Variants in TMC7 observed in about 807,000 individuals in gnomAD.
TMC7 encodes transmembrane channel-like protein 7.
Under a neutral mutation model 82.9 loss-of-function variants are expected in TMC7, and 54 were observed. The observed-to-expected ratio is 0.65, with a 90% CI of 0.52 to 0.82. The LOEUF is 0.82. Ranked by LOEUF, TMC7 falls within the 40% of genes least tolerant of loss-of-function variation. TMC7 has a pLI of 0.00. For synonymous variants in TMC7, 350 were observed against 337.9 expected (o/e 1.04, Z -0.39); for missense variants, 820 against 901.2 (o/e 0.91, Z 1.15).
chr16:19,051,816 G>A lies in TMC7; in HGVS notation c.1871G>A (p.Arg624His), dbSNP rs528003577. 3.1e-6 allele frequency: 5 copies of A among 1,613,760 alleles called. No individual in the cohort carries two copies. The highest frequency in any genetic ancestry group is 2.2e-5 in the East Asian group (1 of 44,870). The change falls in exon 13 of 16, where the codon CGC (arginine) becomes CAC (histidine). Residue 624 changes from arginine to histidine, a missense_variant and splice_region_variant. Physicochemically the swap from Arg to His is conservative, Grantham distance 29 (BLOSUM62 0). Coordinates refer to ENST00000304381, the MANE Select transcript of TMC7 (RefSeq NM_024847.4). ...AIIPLTISISRIPSSKACGPF... is the reference protein window; with the variant it reads ...AIIPLTISISHIPSSKACGPF... ...ATACCTCTGACAATCAGCATATCACGGTAAATGTGACTTTGTTTTCTAGAA... is the reference window on the plus strand; with the variant it reads ...ATACCTCTGACAATCAGCATATCACAGTAAATGTGACTTTGTTTTCTAGAA...
chr16:18,984,911 A>G (rs372792572), intron 1 of TMC7, among the ~76,000 whole-genome samples: 8 of 152,366 alleles, frequency 5.3e-5, no homozygotes, highest in African/African-American at 1.9e-4. Flanking sequence ...ACCCTGCTGT[A>G]AAGTTTTATC....
chr16:19,056,068 T>G (rs372140935), intron 13 of TMC7, among the ~76,000 whole-genome samples: 3 of 152,192 alleles, frequency 2.0e-5, no homozygotes, highest in African/African-American at 7.2e-5. Flanking sequence ...AATTTCAGGG[T>G]AAGCATTTTC....
chr16:19,028,142 A>G (rs1046005095), intron 5 of TMC7, among the ~76,000 whole-genome samples: 1 of 152,032 alleles, frequency 6.6e-6, no homozygotes, highest in Non-Finnish European at 1.5e-5. Flanking sequence ...TGTATTATCT[A>G]CCTACAATGT....
In TMC7 at chr16:19,028,950, G is replaced by A. The variant is rs923696731; in HGVS notation, c.712-1274G>A. Among the ~76,000 whole-genome samples, 4 of 150,044 alleles carry A rather than the reference G, an allele frequency of 2.7e-5. No individual in the cohort carries two copies. In the South Asian group the frequency reaches 6.3e-4, roughly 24 times the overall value. Reference sequence around the variant, plus strand: ...ATTACAGGCATGAGCCACTGTGCCCGGCCGAGATTTGCACTTTTTAAAAAA... The same window carrying A: ...ATTACAGGCATGAGCCACTGTGCCCAGCCGAGATTTGCACTTTTTAAAAAA... On this transcript the variant is annotated intron_variant, in intron 5 of 15. Coordinates refer to ENST00000304381, the MANE Select transcript of TMC7 (RefSeq NM_024847.4).
In TMC7 at chr16:19,056,652, G is replaced by A. The variant is rs1371478486; in HGVS notation, c.1982G>A (p.Gly661Asp). The change falls in exon 14 of 16, where the codon GGT becomes GAT. Residue 661 changes from glycine (G) to aspartate (D), a missense_variant. By Grantham distance (94) the Gly-to-Asp change is moderately conservative. Transcript: ENST00000304381. ...FPSSLQSFIH[G>D]VTSEAFAVPF... ...AGCTCGCTGCAGTCCTTCATCCATG[G>A]TGTCACATCCGAAGCCTTTGCAGTT... 3.1e-6 allele frequency: 5 copies of A among 1,613,936 alleles called. No homozygotes were observed. Among genetic ancestry groups the A allele is most frequent in the Non-Finnish European group, 4.2e-6 (5 of 1,180,026 alleles).
chr16:18,995,043 A>G (rs890065138), intron 1 of TMC7, among the ~76,000 whole-genome samples: 2 of 152,116 alleles, frequency 1.3e-5, no homozygotes, highest in East Asian at 1.9e-4. Flanking sequence ...AAAGGCGGCA[A>G]TGAGGTGTGG....
chr16:19,002,065 T>C (rs1375108577), intron 1 of TMC7, among the ~76,000 whole-genome samples: 1 of 152,028 alleles, frequency 6.6e-6, no homozygotes, highest in Admixed American at 6.6e-5. Flanking sequence ...TTAGTGCCAT[T>C]TAGATCATAC....
At chr16:19,015,593 C>T (rs1230505487) in intron 2 of TMC7, among the ~76,000 whole-genome samples, 4 of 149,216 alleles carry the variant, frequency 2.7e-5, no homozygotes, top group African/African-American at 7.4e-5. Flanking sequence ...TTTTTGAGAC[C>T]GAGTTTCACT....
chr16:19,007,253 A>C (rs2039256616), intron 1 of TMC7, among the ~76,000 whole-genome samples: 4 of 152,240 alleles, frequency 2.6e-5, no homozygotes, highest in African/African-American at 9.6e-5. Flanking sequence ...ACTTCCTACC[A>C]GGTAACCCTG....
At chr16:18,997,002 A>G (rs1377206326) in intron 1 of TMC7, among the ~76,000 whole-genome samples, 1 of 152,242 alleles carries the variant, frequency 6.6e-6, no homozygotes, top group Non-Finnish European at 1.5e-5. Flanking sequence ...TTGGAATGAC[A>G]GGGAGATTGA....
intron 3 of TMC7, among the ~76,000 whole-genome samples, chr16:19,019,966 A>G (rs1959885144): frequency 6.6e-6 from 1 of 152,172 alleles, no homozygotes; most frequent in African/African-American, 2.4e-5. Flanking sequence ...TGCCCCTACC[A>G]AGAACAAGAA....
intron 1 of TMC7, among the ~76,000 whole-genome samples, chr16:19,002,776 G>A (rs898702861): frequency 6.6e-6 from 1 of 152,190 alleles, no homozygotes. Flanking sequence ...TCTGAAATAT[G>A]CTACCTGCTC....
intron 9 of TMC7, among the ~76,000 whole-genome samples, chr16:19,042,630 C>G (rs1961068811): frequency 6.6e-6 from 1 of 151,838 alleles, no homozygotes; most frequent in Non-Finnish European, 1.5e-5. Flanking sequence ...GCCTCAGCCT[C>G]CCGAGTAGTT....
chr16:18,984,749 C>T lies in TMC7; in HGVS notation c.67+619C>T, dbSNP rs890702144. On this transcript the variant is annotated intron_variant, in intron 1 of 15. Transcript: ENST00000304381. ...AGCCAAGTATTATAATCTTTTGTATCGGGTAGAATTACAGTAAAGTATACA... is the reference window on the plus strand; with the variant it reads ...AGCCAAGTATTATAATCTTTTGTATTGGGTAGAATTACAGTAAAGTATACA... 2.0e-5 allele frequency among the ~76,000 whole-genome samples: 3 copies of T among 152,040 alleles called. No homozygotes were observed. In the South Asian group the frequency reaches 6.2e-4, roughly 32 times the overall value.
intron 7 of TMC7, among the ~76,000 whole-genome samples, chr16:19,037,280 C>T (rs529284125): frequency 4.7e-5 from 7 of 148,704 alleles, no homozygotes; most frequent in Admixed American, 1.4e-4. Flanking sequence ...CCTAGCTTCT[C>T]GGGAGGCTGA....
chr16:19,045,498 C>T (rs2142284791), intron 11 of TMC7, 60 bp downstream of exon 11: 18 of 1,015,662 alleles, frequency 1.8e-5, no homozygotes, highest in Non-Finnish European at 2.3e-5. Flanking sequence ...CACACACATA[C>T]ACACACACAC....
intron 1 of TMC7, among the ~76,000 whole-genome samples, chr16:18,998,680 G>A (rs1404055767): frequency 6.6e-6 from 1 of 151,596 alleles, no homozygotes; most frequent in Non-Finnish European, 1.5e-5. Flanking sequence ...CGTGAACCCA[G>A]GAGGCGGAGC....
In TMC7 at chr16:19,022,126, AC is replaced by A. The variant is rs201323762; in HGVS notation, c.628+331del. On this transcript the variant is annotated intron_variant, in intron 4 of 15. Transcript: ENST00000304381. ...ATCTGGAGCATTGATAGTCACACAT[AC>A]AAGCAAAACACAAGCTCTACATGTG... 2.2e-4 allele frequency among the ~76,000 whole-genome samples: 33 copies of A among 152,300 alleles called. No individual in the cohort carries two copies. The East Asian group carries it at 6.2e-3, about 28-fold the overall frequency.
rs1018075088 is a variant in TMC7, at chr16:19,063,704, C to A, written c.*1861C>A. The A allele has an allele frequency of 4.0e-5, 6 of 149,308 alleles. No homozygotes were observed. The highest frequency in any genetic ancestry group is 5.9e-5 in the Non-Finnish European group (4 of 67,396). The allele number at this position is 149,308 out of a possible 1,614,324, so 9.2% of individuals were successfully genotyped here. ...TGTGTGTGTGTGTGTGTGTGATGAA[C>A]ACAACGAAAACGTACTGCGTTTTTT... is the stretch of plus-strand genomic sequence containing the variant. On this transcript the variant is annotated 3_prime_UTR_variant, in exon 16 of 16. Coordinates refer to ENST00000304381, the MANE Select transcript of TMC7 (RefSeq NM_024847.4).
Sources: allele counts gnomAD v4.1 joint callset (sites outside exome capture counted in the v4.1 genomes callset), GRCh38; gene constraint gnomAD v4.1.1; transcripts MANE v1.5; gene names NCBI Gene and HGNC (gene_info 2026-07-23, HGNC 2026-07-21).